The following SYTL5 variants were observed in gnomAD, a reference collection of about 807,000 sequenced individuals.
The protein encoded by SYTL5 is synaptotagmin-like protein 5.
SYTL5 carries 34 observed loss-of-function variants against 55.9 expected under a neutral mutation model. The ratio of observed to expected loss-of-function variants is 0.61; its 90% CI spans 0.46 to 0.81. The LOEUF is 0.81. Among genes scored for constraint, SYTL5 ranks in the 30% least tolerant of loss-of-function variants. SYTL5 has a pLI of 0.00. For missense variants in SYTL5, 637 were observed against 546.7 expected (o/e 1.17, Z -1.65); for synonymous variants, 221 against 188.7 (o/e 1.17, Z -1.40).
intron 2 of SYTL5, among the ~76,000 whole-genome samples, chrX:38,047,909 A>G (rs761678226): frequency 2.7e-5 from 3 of 111,362 alleles, no homozygotes; most frequent in African/African-American, 6.5e-5. Flanking sequence ...ACAAGAGGCC[A>G]GGCACGGTGG....
chrX:38,008,062 T>C (rs1934050965), intron 1 of SYTL5, among the ~76,000 whole-genome samples: 1 of 111,476 alleles, frequency 9.0e-6, no homozygotes, highest in Non-Finnish European at 1.9e-5. Context: ...TACTTCCTTA[T>C]TATTATTTAG....
intron 7 of SYTL5, among the ~76,000 whole-genome samples, chrX:38,092,219 G>A (rs1569183539): frequency 8.9e-6 from 1 of 111,845 alleles, no homozygotes; most frequent in Non-Finnish European, 1.9e-5. Context: ...ATATTAGTCA[G>A]GGATCTCCAC....
chrX:37,910,620 A>G, the SYTL5 span, among the ~76,000 whole-genome samples: 3 of 112,716 alleles, frequency 2.7e-5, no homozygotes, highest in African/African-American at 9.7e-5. Context: ...ACAAGCCCCT[A>G]GTGATTTCAA....
intron 2 of SYTL5, among the ~76,000 whole-genome samples, chrX:38,037,943 C>A: frequency 9.0e-6 from 1 of 110,809 alleles, no homozygotes; most frequent in East Asian, 2.8e-4. Flanking sequence ...GGCTGAGAAC[C>A]GGGAGAGCTG....
intron 3 of SYTL5, among the ~76,000 whole-genome samples, chrX:38,062,128 C>T (rs1268082685): frequency 1.1e-4 from 12 of 110,388 alleles, no homozygotes; most frequent in Admixed American, 9.7e-4. Context: ...CCACCACACC[C>T]GGCTAATTTT....
At chrX:38,011,358 G>A (rs73463444) in intron 1 of SYTL5, among the ~76,000 whole-genome samples, 10,477 of 111,357 alleles carry the variant, frequency 0.094, 849 homozygotes, top group African/African-American at 0.24. Flanking sequence ...CTGGCCGGGC[G>A]CGGTGGCTCA....
chrX:37,957,080 T>C, the SYTL5 span, among the ~76,000 whole-genome samples: 1 of 110,631 alleles, frequency 9.0e-6, no homozygotes, highest in Non-Finnish European at 1.9e-5. Flanking sequence ...GCCATTCGTA[T>C]GTCTTGTTGG....
At chrX:37,922,254 A>G in the SYTL5 span, among the ~76,000 whole-genome samples, 1 of 111,887 alleles carries the variant, frequency 8.9e-6, no homozygotes, top group South Asian at 3.7e-4. Flanking sequence ...GGAGATGAAC[A>G]TCAGGGATAT....
At chrX:37,965,164 G>A in the SYTL5 span, among the ~76,000 whole-genome samples, 4 of 110,727 alleles carry the variant, frequency 3.6e-5, no homozygotes, top group South Asian at 3.8e-4. Flanking sequence ...GGTTGTTTTC[G>A]AGAAACCTTT....
the SYTL5 span, among the ~76,000 whole-genome samples, chrX:37,993,753 A>G: frequency 8.9e-6 from 1 of 112,686 alleles, no homozygotes; most frequent in Non-Finnish European, 1.9e-5. Flanking sequence ...AGACAATGCA[A>G]GGCTAAACTT....
chrX:38,088,171 T>G (rs535991438), intron 6 of SYTL5, among the ~76,000 whole-genome samples: 1 of 111,233 alleles, frequency 9.0e-6, no homozygotes, highest in African/African-American at 3.3e-5. Context: ...AACTTAGGAG[T>G]TGTGGTTGAC....
At chrX:38,059,715 G>A (rs1462567026) in intron 3 of SYTL5, among the ~76,000 whole-genome samples, 1 of 110,850 alleles carries the variant, frequency 9.0e-6, no homozygotes, top group Non-Finnish European at 1.9e-5. Context: ...TTGTTTGTTT[G>A]CTTGTTTTTT....
At chrX:38,017,206 C>T (rs1163528309) in intron 1 of SYTL5, among the ~76,000 whole-genome samples, 4 of 111,763 alleles carry the variant, frequency 3.6e-5, no homozygotes, top group Non-Finnish European at 1.9e-5. Flanking sequence ...TCCAGGGGAA[C>T]AAGTACAAAG....
At chrX:38,022,424 T>C (rs1934586820) in intron 1 of SYTL5, among the ~76,000 whole-genome samples, 1 of 112,246 alleles carries the variant, frequency 8.9e-6, no homozygotes, top group South Asian at 3.7e-4. Context: ...AAAATCATGG[T>C]GTTAGCAGGG....
At chrX:37,963,289 GT>G in the SYTL5 span, among the ~76,000 whole-genome samples, 6,908 of 86,611 alleles carry the variant, frequency 0.08, 474 homozygotes, top group African/African-American at 0.25. Flanking sequence ...GTTTTTGTGG[GT>G]TTTTTTTTTT....
chrX:38,100,194 C>A (rs73467481), intron 9 of SYTL5, among the ~76,000 whole-genome samples: 1,583 of 111,065 alleles, frequency 0.014, 11 homozygotes, highest in Middle Eastern at 0.018. Context: ...ATGAAGCCAG[C>A]ACTTTCTTAC....
upstream of SYTL5, among the ~76,000 whole-genome samples, chrX:38,006,113 G>T: frequency 8.9e-6 from 1 of 111,817 alleles, no homozygotes; most frequent in Non-Finnish European, 1.9e-5. Context: ...TACTAACTGG[G>T]TGACTGTGGG....
chrX:38,071,314 A>G (rs1936257924), intron 3 of SYTL5, among the ~76,000 whole-genome samples: 1 of 111,646 alleles, frequency 9.0e-6, no homozygotes, highest in African/African-American at 3.3e-5. Context: ...GGTTTAAAAG[A>G]TGGGTGTGAC....
chrX:37,900,132 A>G, the SYTL5 span, among the ~76,000 whole-genome samples: 2 of 111,558 alleles, frequency 1.8e-5, no homozygotes, highest in Non-Finnish European at 3.8e-5. Flanking sequence ...ACACACACAC[A>G]CACACACACA....
Sources: allele counts gnomAD v4.1 joint callset (sites outside exome capture counted in the v4.1 genomes callset), GRCh38; gene constraint gnomAD v4.1.1; transcripts MANE v1.5; gene names NCBI Gene and HGNC (gene_info 2026-07-23, HGNC 2026-07-21).